Variants in ANKIB1 observed in about 807,000 individuals in gnomAD.
ANKIB1 encodes ankyrin repeat and IBR domain containing 1.
A neutral mutation model predicts 122.1 loss-of-function variants in ANKIB1; 43 were observed. That is an observed-to-expected ratio of 0.35 (90% CI 0.28 to 0.45). The LOEUF is 0.45. Among genes scored for constraint, ANKIB1 ranks in the 20% least tolerant of loss-of-function variants. The pLI, the probability that ANKIB1 is intolerant of heterozygous loss-of-function variation, is 1.00. For synonymous variants in ANKIB1, 390 were observed against 442.0 expected, an observed-to-expected ratio of 0.88 and a Z score of 1.48; for missense variants, 992 against 1,329.5, an observed-to-expected ratio of 0.75 and a Z score of 3.95.
intron 3 of ANKIB1, among the ~76,000 whole-genome samples, chr7:92,310,160 A>G (rs1802661571): frequency 6.6e-6 from 1 of 151,734 alleles, no homozygotes; most frequent in African/African-American, 2.4e-5. Flanking sequence ...GGCAGGCCTG[A>G]CAATTTGCTT....
intron 7 of ANKIB1, among the ~76,000 whole-genome samples, chr7:92,346,169 C>T (rs1295955626): frequency 6.6e-6 from 1 of 151,940 alleles, no homozygotes; most frequent in South Asian, 2.1e-4. Flanking sequence ...ACTCTGTCAC[C>T]CAGGCTGAAG....
intron 2 of ANKIB1, among the ~76,000 whole-genome samples, chr7:92,303,805 TGAGA>T (rs1426520795): frequency 6.6e-6 from 1 of 152,080 alleles, no homozygotes; most frequent in Non-Finnish European, 1.5e-5. Flanking sequence ...CCTGGTTACA[TGAGA>T]GAGTGAAACT....
At chr7:92,280,178 T>C (rs1329428020) in intron 1 of ANKIB1, among the ~76,000 whole-genome samples, 1 of 152,194 alleles carries the variant, frequency 6.6e-6, no homozygotes, top group Non-Finnish European at 1.5e-5. Context: ...ATGATCCCTC[T>C]AGCATTTATG....
intron 4 of ANKIB1, among the ~76,000 whole-genome samples, chr7:92,320,174 AC>A (rs2131949484): frequency 6.6e-6 from 1 of 152,236 alleles, no homozygotes; most frequent in Admixed American, 6.5e-5. Flanking sequence ...AAAACAAAAA[AC>A]ATAAAAGCAG....
At position 92,307,548 on chromosome 7, in the gene ANKIB1, A is replaced by C. The variant is rs1238591162; in HGVS notation, c.378A>C (p.Ala126=). Residue 126 remains alanine, a synonymous_variant, in exon 3 of 20, where the codon GCA becomes GCC. Coordinates refer to ENST00000265742, the MANE Select transcript of ANKIB1 (RefSeq NM_019004.2). ...CLQMILKWKG[A]KLDQGEYERA... is the part of the protein sequence containing the mutation. ...AGATGATCTTAAAATGGAAAGGAGC[A>C]AAACTTGACCAGGGTGAATATGAGA... 1.2e-6 allele frequency: 2 copies of C among 1,613,838 alleles called. No individual in the cohort carries two copies. The highest frequency in any genetic ancestry group is 4.5e-5 in the East Asian group (2 of 44,880).
rs2115732102 is a variant in ANKIB1, at chr7:92,398,273, A to G, written c.2594A>G (p.Gln865Arg). The change falls in exon 20 of 20, where the codon CAA becomes CGA. Residue 865 changes from glutamine (Q) to arginine (R), a missense_variant. Physicochemically the swap from Gln to Arg is conservative, Grantham distance 43 (BLOSUM62 1). Around this residue, in one of 4 missense-constraint regions of ANKIB1, gnomAD observed 384 missense variants for 412.0 expected, o/e 0.93. Transcript: ENST00000265742. ...NILLAIQLSL[Q>R]ESGLALDEET... ...CTTCTTGCAATACAGTTATCACTGC[A>G]AGAGTCTGGGCTGGCCCTCGATGAA... is the stretch of plus-strand genomic sequence containing the variant. The G allele has an allele frequency of 1.9e-6, 3 of 1,613,846 alleles. No individual in the cohort carries two copies. The highest frequency in any genetic ancestry group is 2.5e-6 in the Non-Finnish European group (3 of 1,179,822).
intron 17 of ANKIB1, among the ~76,000 whole-genome samples, chr7:92,394,670 G>T (rs1476987234): frequency 1.3e-5 from 2 of 152,092 alleles, no homozygotes; most frequent in Non-Finnish European, 2.9e-5. Flanking sequence ...AATCTAGTTG[G>T]TGTTCCTCAC....
chr7:92,388,152 C>G (rs183036256), intron 14 of ANKIB1, 111 bp downstream of exon 14: 22 of 1,057,530 alleles, frequency 2.1e-5, no homozygotes, highest in Non-Finnish European at 2.9e-5. Flanking sequence ...TTAGCTTGTT[C>G]TGGTACTGTT....
intron 8 of ANKIB1, 87 bp downstream of exon 8, chr7:92,351,181 T>A: frequency 8.5e-7 from 1 of 1,182,804 alleles, no homozygotes; most frequent in Non-Finnish European, 1.1e-6. Context: ...TTTTGTTTTA[T>A]TTTTGAAAAC....
At chr7:92,365,955 C>T (rs1020110414) in intron 10 of ANKIB1, among the ~76,000 whole-genome samples, 2 of 151,388 alleles carry the variant, frequency 1.3e-5, no homozygotes, top group African/African-American at 4.9e-5. Context: ...GCCACCATGC[C>T]CGGCTAATTT....
intron 2 of ANKIB1, among the ~76,000 whole-genome samples, chr7:92,298,337 ATAT>A (rs894961004): frequency 1.9e-4 from 29 of 151,936 alleles, no homozygotes; most frequent in Non-Finnish European, 1.0e-4. Flanking sequence ...TTAATATCAA[ATAT>A]TATATGTGAT....
At chr7:92,358,843 A>C (rs1233716999) in intron 9 of ANKIB1, among the ~76,000 whole-genome samples, 1 of 152,080 alleles carries the variant, frequency 6.6e-6, no homozygotes, top group Non-Finnish European at 1.5e-5. Context: ...TTGAGATGCA[A>C]ATGACAAACA....
intron 9 of ANKIB1, among the ~76,000 whole-genome samples, chr7:92,358,197 G>T (rs150520325): frequency 1.3e-5 from 2 of 151,794 alleles, no homozygotes; most frequent in African/African-American, 2.4e-5. Context: ...AGCAGAGATC[G>T]TGCCATTGCA....
At chr7:92,298,009 C>T (rs1802390853) in intron 2 of ANKIB1, among the ~76,000 whole-genome samples, 1 of 152,158 alleles carries the variant, frequency 6.6e-6, no homozygotes, top group Admixed American at 6.6e-5. Flanking sequence ...TAAGTCCTAA[C>T]TCTGTTTCTG....
At chr7:92,347,037 C>T (rs1415835494) in intron 7 of ANKIB1, among the ~76,000 whole-genome samples, 1 of 152,132 alleles carries the variant, frequency 6.6e-6, no homozygotes, top group Non-Finnish European at 1.5e-5. Flanking sequence ...TTTTAATTAT[C>T]ACAGTGTTTT....
intron 19 of ANKIB1, 131 bp downstream of exon 19, chr7:92,397,990 G>A: frequency 7.6e-7 from 1 of 1,320,638 alleles, no homozygotes; most frequent in South Asian, 1.4e-5. Flanking sequence ...AAGATGTGCT[G>A]CAGGAAAAGA....
chr7:92,385,901 A>G (rs1188512242), intron 11 of ANKIB1, among the ~76,000 whole-genome samples: 1 of 152,164 alleles, frequency 6.6e-6, no homozygotes, highest in Admixed American at 6.6e-5. Flanking sequence ...TAAAAAATAA[A>G]TAAACCATTA....
chr7:92,261,581 A>C (rs984225494), intron 1 of ANKIB1, among the ~76,000 whole-genome samples: 5 of 152,130 alleles, frequency 3.3e-5, no homozygotes, highest in African/African-American at 9.7e-5. Flanking sequence ...TATAACTTTA[A>C]AGCCATAGCT....
At chr7:92,313,593 T>C (rs1349323263) in intron 3 of ANKIB1, among the ~76,000 whole-genome samples, 1 of 152,192 alleles carries the variant, frequency 6.6e-6, no homozygotes, top group Admixed American at 6.5e-5. Flanking sequence ...AGAGATAATT[T>C]TTTAATTTTA....
Sources: gnomAD v4.1 joint callset for allele counts (sites outside exome capture counted in the v4.1 genomes callset) on GRCh38, gnomAD v4.1.1 for gene constraint, gnomAD v4.1.1 regional missense constraint, MANE v1.5 for transcripts, NCBI Gene and HGNC (gene_info 2026-07-23, HGNC 2026-07-21) for gene names.